The following RCHY1 variants were observed in gnomAD, a reference collection of about 807,000 sequenced individuals.
RCHY1 encodes RING finger and CHY zinc finger domain-containing protein 1.
Under a neutral mutation model 41.6 loss-of-function variants are expected in RCHY1, and 21 were observed. The observed-to-expected ratio is 0.51, with a 90% confidence interval of 0.36 to 0.73. The LOEUF (loss-of-function observed/expected upper bound fraction) is 0.73, where lower values mean the gene tolerates loss of function less well. RCHY1 is among the 30% of genes least tolerant of loss of function. The pLI, the probability that RCHY1 is intolerant of heterozygous loss-of-function variation, is 0.00. For missense variants in RCHY1, 265 were observed against 325.3 expected, an observed-to-expected ratio of 0.81 and a Z score of 1.43; for synonymous variants, 79 against 102.9, an observed-to-expected ratio of 0.77 and a Z score of 1.41.
chr4:75,508,421 A>G (rs1158805078), intron 3 of RCHY1, among the ~76,000 whole-genome samples: 1 of 151,998 alleles, frequency 6.6e-6, no homozygotes, highest in African/African-American at 2.4e-5. Flanking sequence ...GTTTTTTCCA[A>G]TTTTTATAAA....
Position 75,509,490 on chromosome 4 carries a change from A to G in RCHY1, c.91-194T>C, listed in dbSNP as rs73827644. 2,864 of 523,294 alleles carry G rather than the reference A, an allele frequency of 5.5e-3. 58 individuals are homozygous for G. Among genetic ancestry groups the G allele is most frequent in the African/African-American group, 0.049 (2,568 of 52,840 alleles). The allele number at this position is 523,294 out of a possible 1,614,324, so 32.4% of individuals were successfully genotyped here. The stretch of plus-strand genomic sequence containing the variant: ...TATTTTATGTTAATTCTTCCCTTCA[A>G]CATCACTACGTCTGTATGAAGTTGA... On this transcript the variant is annotated intron_variant, in intron 1 of 8. Transcript: ENST00000324439.
At chr4:75,494,069 A>G in intron 4 of RCHY1, 32 bp downstream of exon 4, 1 of 1,262,896 alleles carries the variant, frequency 7.9e-7, no homozygotes, top group Non-Finnish European at 1.1e-6. Flanking sequence ...ACACTGTAAT[A>G]TTTTTAAAAT....
chr4:75,484,048 T>C lies in RCHY1; in HGVS notation c.658-1382A>G, dbSNP rs535626165. ...CCAAATAAAGAAAGTCAAGACCCTCTGAATCTATTCTGGTTCAGGGCTGCC... is the reference window on the plus strand; with the variant it reads ...CCAAATAAAGAAAGTCAAGACCCTCCGAATCTATTCTGGTTCAGGGCTGCC... On this transcript the variant is annotated intron_variant, in intron 8 of 8. Transcript: ENST00000324439. 4.6e-5 allele frequency among the ~76,000 whole-genome samples: 7 copies of C among 152,334 alleles called. No individual in the cohort carries two copies. In the South Asian group the frequency reaches 1.5e-3, roughly 32 times the overall value.
chr4:75,487,502 TATATATTCATAATATATATATTCATA>T (rs1215467661), intron 8 of RCHY1, among the ~76,000 whole-genome samples: 37 of 132,756 alleles, frequency 2.8e-4, no homozygotes, highest in African/African-American at 7.0e-4. Context: ...ATTCATAATA[TATATATTCATAATATATATATTCATA>T]ATATATTCAT....
rs1578212071 is a variant in RCHY1, at chr4:75,490,471, T to G, written c.657+110A>C. The G allele has an allele frequency of 7.1e-6, 5 of 700,340 alleles. No homozygotes were observed. The East Asian group carries it at 1.4e-4, about 20-fold the overall frequency. 43.4% of individuals were successfully genotyped at this position (700,340 alleles called of 1,614,324 possible). Reference sequence around the variant, plus strand: ...TTCCATTAATCATCACATTAGCATCTGTGTCAAACCAGTATATATATATTT... The same window carrying G: ...TTCCATTAATCATCACATTAGCATCGGTGTCAAACCAGTATATATATATTT... On this transcript the variant is annotated intron_variant, in intron 8 of 8. Transcript: ENST00000324439.
At chr4:75,500,670 T>C (rs1381535412) in intron 3 of RCHY1, among the ~76,000 whole-genome samples, 2 of 152,146 alleles carry the variant, frequency 1.3e-5, no homozygotes, top group Non-Finnish European at 2.9e-5. Flanking sequence ...CAGATATATC[T>C]TAGATGAAGC....
intron 3 of RCHY1, among the ~76,000 whole-genome samples, chr4:75,505,909 G>A (rs10020976): frequency 0.31 from 47,540 of 151,768 alleles, 7,760 homozygotes; most frequent in Non-Finnish European, 0.35. Context: ...GCTGTGACAA[G>A]CTAAGAAACT....
intron 1 of RCHY1, among the ~76,000 whole-genome samples, chr4:75,510,610 G>C (rs1482490670): frequency 1.3e-5 from 2 of 152,118 alleles, no homozygotes; most frequent in Non-Finnish European, 2.9e-5. Context: ...TATTCTCATA[G>C]TTATACCGCA....
Position 75,487,497 on chromosome 4 carries a change from T to C in RCHY1, c.657+3084A>G, listed in dbSNP as rs1349445641. Among the ~76,000 whole-genome samples, 6 of 128,176 alleles carry C rather than the reference T, an allele frequency of 4.7e-5. No individual in the cohort carries two copies. The South Asian group carries it at 9.0e-4, about 19-fold the overall frequency. 84.1% of individuals were successfully genotyped at this position (128,176 alleles called of 152,430 possible). A position where few individuals can be genotyped will look rare whatever the true frequency, so the allele number is the denominator to read the frequency against. ...CAATATATATAGTCATATATATTCA[T>C]AATATATATATTCATAATATATATA... On this transcript the variant is annotated intron_variant, in intron 8 of 8. Coordinates refer to ENST00000324439, the MANE Select transcript of RCHY1 (RefSeq NM_015436.4).
chr4:75,514,312 C>A lies in RCHY1; in HGVS notation c.-26G>T. 1 of 1,600,846 alleles carries A rather than the reference C, an allele frequency of 6.2e-7. No individual in the cohort carries two copies. Among genetic ancestry groups the A allele is most frequent in the African/African-American group, 1.3e-5 (1 of 74,882 alleles). On this transcript the variant is annotated 5_prime_UTR_variant, in exon 1 of 9. Coordinates refer to ENST00000324439, the MANE Select transcript of RCHY1 (RefSeq NM_015436.4). ...CTCCTCCACCTCCCCTCACATTCCA[C>A]CGATCCTTCCCCCAGGATAAAAACC...
At chr4:75,488,024 G>C (rs1417369905) in intron 8 of RCHY1, among the ~76,000 whole-genome samples, 2 of 146,598 alleles carry the variant, frequency 1.4e-5, no homozygotes, top group Non-Finnish European at 1.5e-5. Flanking sequence ...CTCTAACTTT[G>C]GCATGCTACA....
chr4:75,505,360 T>C (rs1329017244), intron 3 of RCHY1, among the ~76,000 whole-genome samples: 8 of 152,150 alleles, frequency 5.3e-5, no homozygotes, highest in Non-Finnish European at 1.2e-4. Flanking sequence ...CTCCCAGGTA[T>C]AGAAATTTAA....
At chr4:75,489,502 T>C (rs1722553364) in intron 8 of RCHY1, among the ~76,000 whole-genome samples, 1 of 152,132 alleles carries the variant, frequency 6.6e-6, no homozygotes, top group Non-Finnish European at 1.5e-5. Flanking sequence ...ACAGATACAA[T>C]AGCATTAGGC....
At chr4:75,493,753 G>A (rs1214918746) in intron 4 of RCHY1, among the ~76,000 whole-genome samples, 1 of 151,686 alleles carries the variant, frequency 6.6e-6, no homozygotes, top group East Asian at 1.9e-4. Context: ...AATTTTCTTA[G>A]AATGTTGTGC....
In RCHY1 at chr4:75,487,577, C is replaced by CATAAT. The variant is rs1491484553; in HGVS notation, c.657+3003_657+3004insATTAT. 8.7e-4 allele frequency among the ~76,000 whole-genome samples: 40 copies of CATAAT among 46,016 alleles called. 8 individuals are homozygous for CATAAT. Among genetic ancestry groups the CATAAT allele is most frequent in the Admixed American group, 1.9e-3 (6 of 3,096 alleles). The allele number at this position is 46,016 out of a possible 152,430, so 30.2% of individuals were successfully genotyped here. ...ATAATATATTCATAATATATATATT[C>CATAAT]ATATATATATTCATAATATATATTC... On this transcript the variant is annotated intron_variant, in intron 8 of 8. Transcript: ENST00000324439.
At chr4:75,493,633 GA>G (rs1170427930) in intron 4 of RCHY1, among the ~76,000 whole-genome samples, 18 of 151,416 alleles carry the variant, frequency 1.2e-4, no homozygotes, top group Non-Finnish European at 7.4e-5. Flanking sequence ...TACTTTATTA[GA>G]TTTTTTTTTA....
chr4:75,489,390 A>C (rs1404714947), intron 8 of RCHY1, among the ~76,000 whole-genome samples: 1 of 152,212 alleles, frequency 6.6e-6, no homozygotes, highest in African/African-American at 2.4e-5. Flanking sequence ...CTAAAAGGTT[A>C]TTATAAAATG....
At chr4:75,490,529 A>C in intron 8 of RCHY1, 52 bp downstream of exon 8, 1 of 1,518,964 alleles carries the variant, frequency 6.6e-7, no homozygotes, top group African/African-American at 1.4e-5. Context: ...GAGGGCAAAA[A>C]TAAGAGTGCC....
intron 4 of RCHY1, among the ~76,000 whole-genome samples, chr4:75,492,877 C>T (rs1362665393): frequency 3.3e-5 from 5 of 151,892 alleles, no homozygotes; most frequent in African/African-American, 4.8e-5. Flanking sequence ...TTAGTCTTAA[C>T]GTTTCTTATT....
Sources: allele counts gnomAD v4.1 joint callset (sites outside exome capture counted in the v4.1 genomes callset), GRCh38; gene constraint gnomAD v4.1.1; transcripts MANE v1.5; gene names NCBI Gene and HGNC (gene_info 2026-07-23, HGNC 2026-07-21).